TET2: variants seen among roughly 807,000 people sequenced by gnomAD.
The protein encoded by TET2 is methylcytosine dioxygenase TET2.
A neutral mutation model predicts 142.9 loss-of-function variants in TET2; 299 were observed. The ratio of observed to expected loss-of-function variants is 2.09; its 90% CI spans 1.90 to 2.30. TET2 has a LOEUF of 2.30. TET2 is among the 30% of genes most tolerant of loss of function. TET2 has a pLI of 0.00. For synonymous variants in TET2, 819 were observed against 849.0 expected, an observed-to-expected ratio of 0.96 and a Z score of 0.61; for missense variants, 2,418 against 2,378.0, an observed-to-expected ratio of 1.02 and a Z score of -0.35.
At chr4:105,267,539 T>TA (rs35668673) in intron 8 of TET2, among the ~76,000 whole-genome samples, 4,519 of 127,590 alleles carry the variant, frequency 0.035, 119 homozygotes, top group African/African-American at 0.078. Context: ...CTTAAACCAC[T>TA]AAAAAAAAAA....
At chr4:105,272,458 G>A in intron 9 of TET2, 106 bp from the exon 10 acceptor site, 1 of 730,098 alleles carries the variant, frequency 1.4e-6, no homozygotes, top group South Asian at 2.0e-5. Flanking sequence ...GGATCAACTA[G>A]GCCACCAACA....
At chr4:105,215,317 GTTAT>G (rs1474593938) in intron 2 of TET2, among the ~76,000 whole-genome samples, 1 of 151,946 alleles carries the variant, frequency 6.6e-6, no homozygotes, top group East Asian at 1.9e-4. Context: ...AAAAGAATAG[GTTAT>G]TTCAGTGTCT....
At position 105,235,935 on chromosome 4, in the gene TET2, A is replaced by C. The variant is rs1728850660; in HGVS notation, c.1993A>C (p.Thr665Pro). Residue 665 changes from threonine to proline, a missense_variant, in exon 3 of 11, where the codon ACA (threonine) becomes CCA (proline). By Grantham distance (38) the Thr-to-Pro change is conservative. Transcript: ENST00000380013. ...CTCACACCAGGTGCACTTCTCCAAA[A>C]CAGACCATTTACCAAAAGCTCATGT... ...KPSHQVHFSKTDHLPKAHVQS... is the reference protein window; with the variant it reads ...KPSHQVHFSKPDHLPKAHVQS... 1 of 1,614,008 alleles carries C rather than the reference A, an allele frequency of 6.2e-7. No individual in the cohort carries two copies. The highest frequency in any genetic ancestry group is 8.5e-7 in the Non-Finnish European group (1 of 1,180,022).
Position 105,276,394 on chromosome 4 carries a change from C to T in TET2, c.5884C>T (p.Pro1962Ser), listed in dbSNP as rs1451497945. 9 of 1,551,980 alleles carry T rather than the reference C, an allele frequency of 5.8e-6. No homozygotes were observed. Among genetic ancestry groups the T allele is most frequent in the Non-Finnish European group, 7.8e-6 (9 of 1,147,050 alleles). Residue 1962 changes from proline to serine, a missense_variant, in exon 11 of 11, where the codon CCC becomes TCC. Transcript: ENST00000380013. ...TGCTGAGCCACATGAAACTTCAGAG[C>T]CCACTTACCTGCGTTTCATCAAGTC... ...EPAEPHETSE[P>S]TYLRFIKSLA...
At position 105,259,600 on chromosome 4, in the gene TET2, T is replaced by C. The variant is rs1235797972; in HGVS notation, c.3804-19T>C. Reference sequence around the variant, plus strand: ...ATAATGCTATCCATAGCAATGAATTTGGTCTTTTGATTTTTCAGGAGAACT... The same window carrying C: ...ATAATGCTATCCATAGCAATGAATTCGGTCTTTTGATTTTTCAGGAGAACT... On this transcript the variant is annotated intron_variant, in intron 6 of 10. Coordinates refer to ENST00000380013, the MANE Select transcript of TET2 (RefSeq NM_001127208.3). 2 of 1,549,816 alleles carry C rather than the reference T, an allele frequency of 1.3e-6. No homozygotes were observed. The highest frequency in any genetic ancestry group is 3.9e-5 in the Admixed American group (2 of 50,884).
At position 105,272,832 on chromosome 4, in the gene TET2, AC is replaced by A; in HGVS notation, c.4452del (p.Asn1484LysfsTer87). The A allele has an allele frequency of 6.4e-7, 1 of 1,551,590 alleles. No individual in the cohort carries two copies. Among genetic ancestry groups the A allele is most frequent in the Non-Finnish European group, 8.7e-7 (1 of 1,146,966 alleles). ...GCTGAAAAGCTTTCCTCCCTGGAGA[AC>A]AGCTCAAATAAAAATGAAAAGGAAA... ...AAAEKLSSLE[N>X]SSNKNEKEKS... is the part of the protein sequence containing the mutation. On this transcript the variant is annotated frameshift_variant, in exon 10 of 11. Coordinates refer to ENST00000380013, the MANE Select transcript of TET2 (RefSeq NM_001127208.3). LOFTEE classifies it high-confidence loss of function.
intron 1 of TET2, chr4:105,172,288 A>G (rs1024844553): frequency 6.6e-6 from 1 of 152,248 alleles, no homozygotes; most frequent in African/African-American, 2.4e-5. Flanking sequence ...GGCCCTGCTG[A>G]TAACACACAC....
intron 1 of TET2, among the ~76,000 whole-genome samples, chr4:105,178,540 A>G (rs1724936359): frequency 6.6e-6 from 1 of 152,184 alleles, no homozygotes; most frequent in Non-Finnish European, 1.5e-5. Context: ...GTAACCACCA[A>G]TAGTGAACCC....
In TET2 at chr4:105,259,523, T is replaced by C; in HGVS notation, c.3804-96T>C. 4 of 1,245,730 alleles carry C rather than the reference T, an allele frequency of 3.2e-6. No homozygotes were observed. The South Asian group carries it at 7.0e-5, about 22-fold the overall frequency. The allele number at this position is 1,245,730 out of a possible 1,614,324, so 77.2% of individuals were successfully genotyped here. A position where few individuals can be genotyped will look rare whatever the true frequency, so the allele number is the denominator to read the frequency against. ...TAATACAGAGTTAGATTAGACTTCT[T>C]TTCAAACTCATTTTGCATATAGACA... On this transcript the variant is annotated intron_variant, in intron 6 of 10. Coordinates refer to ENST00000380013, the MANE Select transcript of TET2 (RefSeq NM_001127208.3).
intron 1 of TET2, among the ~76,000 whole-genome samples, chr4:105,148,530 T>G (rs1457139854): frequency 6.6e-6 from 1 of 152,208 alleles, no homozygotes; most frequent in East Asian, 1.9e-4. Context: ...GATTGTATCT[T>G]AAGGGAAGTT....
chr4:105,242,204 G>T (rs1729342204), intron 4 of TET2: 1 of 1,100,716 alleles, frequency 9.1e-7, no homozygotes, highest in Non-Finnish European at 1.1e-6. Context: ...AAATTAGCAT[G>T]TAGAAGTTCA....
At chr4:105,151,653 A>G (rs1205228547) in intron 1 of TET2, among the ~76,000 whole-genome samples, 3 of 151,790 alleles carry the variant, frequency 2.0e-5, no homozygotes, top group Non-Finnish European at 4.4e-5. Context: ...TGGGCAACAT[A>G]GTGAGATACC....
At position 105,236,463 on chromosome 4, in the gene TET2, G is replaced by A. The variant is rs781726202; in HGVS notation, c.2521G>A (p.Val841Ile). 4 of 1,614,112 alleles carry A rather than the reference G, an allele frequency of 2.5e-6. No homozygotes were observed. The highest frequency in any genetic ancestry group is 1.3e-5 in the African/African-American group (1 of 75,034). Residue 841 changes from valine to isoleucine, a missense_variant, in exon 3 of 11, where the codon GTT becomes ATT. Physicochemically the swap from Val to Ile is conservative, Grantham distance 29. Coordinates refer to ENST00000380013, the MANE Select transcript of TET2 (RefSeq NM_001127208.3). ...QVSCSNNTHL[V>I]SENKEQTTHP... ...TTCTTGTTCAAACAATACACACCTAGTTTCAGAGAATAAAGAACAGACTAC... is the reference window on the plus strand; with the variant it reads ...TTCTTGTTCAAACAATACACACCTAATTTCAGAGAATAAAGAACAGACTAC...
At chr4:105,188,528 C>A (rs182153234) in intron 1 of TET2, among the ~76,000 whole-genome samples, 1 of 152,140 alleles carries the variant, frequency 6.6e-6, no homozygotes, top group South Asian at 2.1e-4. Flanking sequence ...AACTTTGTTA[C>A]ATACATTTTA....
In TET2 at chr4:105,237,400, C is replaced by A. The variant is rs927546835; in HGVS notation, c.3409+49C>A. ...ACACATGGCGTTTATCCAGAATTAGCAAATTTATCTTCAGATATGGGATTT... is the reference window on the plus strand; with the variant it reads ...ACACATGGCGTTTATCCAGAATTAGAAAATTTATCTTCAGATATGGGATTT... On this transcript the variant is annotated intron_variant, in intron 3 of 10. Coordinates refer to ENST00000380013, the MANE Select transcript of TET2 (RefSeq NM_001127208.3). 2.5e-6 allele frequency: 4 copies of A among 1,613,878 alleles called. No individual in the cohort carries two copies. The African/African-American group carries it at 5.3e-5, about 22-fold the overall frequency.
chr4:105,173,301 C>T (rs1011832752), intron 1 of TET2, among the ~76,000 whole-genome samples: 9 of 149,668 alleles, frequency 6.0e-5, no homozygotes, highest in Non-Finnish European at 1.3e-4. Flanking sequence ...GGGCAGATCA[C>T]GAGCTCAGGA....
Position 105,276,899 on chromosome 4 carries a change from A to G in TET2, c.*380A>G, listed in dbSNP as rs188310311. On this transcript the variant is annotated 3_prime_UTR_variant, in exon 11 of 11. Coordinates refer to ENST00000380013, the MANE Select transcript of TET2 (RefSeq NM_001127208.3). Reference sequence around the variant, plus strand: ...CCACTTTTAATAATATCAAGTTTGCATAGTCATGGAACACAAATCAAACAA... The same window carrying G: ...CCACTTTTAATAATATCAAGTTTGCGTAGTCATGGAACACAAATCAAACAA... The G allele has an allele frequency of 1.6e-5, 3 of 190,392 alleles. No homozygotes were observed. The highest frequency in any genetic ancestry group is 1.0e-4 in the East Asian group (1 of 9,962). The allele number at this position is 190,392 out of a possible 1,614,324, so 11.8% of individuals were successfully genotyped here.
intron 1 of TET2, among the ~76,000 whole-genome samples, chr4:105,181,454 A>G (rs1034042428): frequency 5.9e-5 from 9 of 152,200 alleles, no homozygotes; most frequent in Non-Finnish European, 1.2e-4. Flanking sequence ...CTTGGTTTCT[A>G]CAACACAGAG....
chr4:105,214,301 A>ATTTTTTTTTTTTTTTTTTTT, intron 2 of TET2, among the ~76,000 whole-genome samples: 1 of 86,034 alleles, frequency 1.2e-5, no homozygotes, highest in Non-Finnish European at 2.1e-5. Flanking sequence ...CCCGAGGGAG[A>ATTTTTTTTTTTTTTTTTTTT]TTTTTTTTTT....
Sources: gnomAD v4.1 joint callset for allele counts (sites outside exome capture counted in the v4.1 genomes callset) on GRCh38, gnomAD v4.1.1 for gene constraint, MANE v1.5 for transcripts, NCBI Gene and HGNC (gene_info 2026-07-23, HGNC 2026-07-21) for gene names.